FMO3: variants seen among roughly 807,000 people sequenced by gnomAD.
FMO3 encodes flavin-containing monooxygenase 3.
FMO3 carries 40 observed loss-of-function variants against 39.4 expected under a neutral mutation model. The ratio of observed to expected loss-of-function variants is 1.02; its 90% CI spans 0.79 to 1.32. The LOEUF is 1.32. Among genes scored for constraint, FMO3 ranks in the 40% most tolerant of loss-of-function variants. FMO3 has a pLI of 0.00. For missense variants in FMO3, 680 were observed against 651.8 expected (o/e 1.04, Z -0.47); for synonymous variants, 219 against 228.8 (o/e 0.96, Z 0.39).
At chr1:171,102,372 C>G (rs543597879) in intron 2 of FMO3, among the ~76,000 whole-genome samples, 1 of 152,266 alleles carries the variant, frequency 6.6e-6, no homozygotes, top group South Asian at 2.1e-4. Flanking sequence ...ATATAAGTAC[C>G]TTGATGCTTC....
intron 4 of FMO3, 40 bp downstream of exon 4, chr1:171,107,877 A>G: frequency 6.3e-7 from 1 of 1,582,476 alleles, no homozygotes; most frequent in African/African-American, 1.3e-5. Context: ...ATAACTGACA[A>G]AAATGAATAT....
At chr1:171,100,260 G>A (rs927960522) in intron 2 of FMO3, 3 of 152,160 alleles carry the variant, frequency 2.0e-5, no homozygotes, top group Admixed American at 6.5e-5. Flanking sequence ...GAACCTGGCA[G>A]CATAGGTTGA....
chr1:171,109,428 C>A (rs1736556), intron 5 of FMO3, among the ~76,000 whole-genome samples: 3 of 151,336 alleles, frequency 2.0e-5, no homozygotes, highest in Admixed American at 6.6e-5. Context: ...ATAGTTTTCA[C>A]AGATTTCTAT....
At position 171,112,375 on chromosome 1, in the gene FMO3, G is replaced by C. The variant is rs28363574; in HGVS notation, c.827+1378G>C. 1.7e-3 allele frequency among the ~76,000 whole-genome samples: 253 copies of C among 152,274 alleles called. 3 individuals are homozygous for C. Among genetic ancestry groups the C allele is most frequent in the African/African-American group, 5.6e-3 (232 of 41,558 alleles). ...ATGTAAGGGTAGGGCAAGGAAGGAA[G>C]TGAAAGGACCAGTTAAAAAGCTACT... On this transcript the variant is annotated intron_variant, in intron 6 of 8. Transcript: ENST00000367755.
At chr1:171,098,047 C>A (rs1389134329) in intron 2 of FMO3, among the ~76,000 whole-genome samples, 4 of 152,054 alleles carry the variant, frequency 2.6e-5, no homozygotes, top group Non-Finnish European at 2.9e-5. Context: ...TTAAATAGGG[C>A]ATCCTTTCCC....
intron 2 of FMO3, 97 bp downstream of exon 2, chr1:171,092,887 A>T: frequency 7.8e-7 from 1 of 1,277,724 alleles, no homozygotes; most frequent in Non-Finnish European, 1.1e-6. Flanking sequence ...CTACCATGGC[A>T]GTTATCATAT....
chr1:171,099,872 C>T (rs1370680117), intron 2 of FMO3: 2 of 151,436 alleles, frequency 1.3e-5, no homozygotes, highest in African/African-American at 4.9e-5. Flanking sequence ...ACAACCTCCA[C>T]CTCCTGGGAT....
At position 171,107,700 on chromosome 1, in the gene FMO3, A is replaced by G. The variant is rs1655706030; in HGVS notation, c.347A>G (p.His116Arg). 6.2e-7 allele frequency: 1 copy of G among 1,613,120 alleles called. No homozygotes were observed. Among genetic ancestry groups the G allele is most frequent in the African/African-American group, 1.3e-5 (1 of 74,900 alleles). ...ACATTTGTATCCAGTGTAAATAAAC[A>G]TCCTGATTTTGCAACTACTGGCCAG... Reference protein sequence around the residue: ...FKTFVSSVNKHPDFATTGQWD... With the variant: ...FKTFVSSVNKRPDFATTGQWD... Residue 116 changes from histidine to arginine, a missense_variant, in exon 4 of 9, where the codon CAT becomes CGT. By Grantham distance (29) the His-to-Arg change is conservative. Transcript: ENST00000367755.
At position 171,096,024 on chromosome 1, in the gene FMO3, T is replaced by A. The variant is rs866586682; in HGVS notation, c.132+3234T>A. 5.4e-3 allele frequency among the ~76,000 whole-genome samples: 252 copies of A among 46,302 alleles called. 8 individuals are homozygous for A. Among genetic ancestry groups the A allele is most frequent in the African/African-American group, 0.018 (143 of 7,806 alleles). The allele number at this position is 46,302 out of a possible 152,430, so 30.4% of individuals were successfully genotyped here. On this transcript the variant is annotated intron_variant, in intron 2 of 8. Transcript: ENST00000367755. ...ATATATTAATATACATATTATATATTAATATATAATATATATTATATATAA... is the reference window on the plus strand; with the variant it reads ...ATATATTAATATACATATTATATATAAATATATAATATATATTATATATAA...
chr1:171,101,746 A>T (rs1235603523), intron 2 of FMO3: 2 of 518,096 alleles, frequency 3.9e-6, no homozygotes, highest in Admixed American at 4.0e-5. Flanking sequence ...TTTCACCCAG[A>T]TCTGCGGCCT....
intron 2 of FMO3, among the ~76,000 whole-genome samples, chr1:171,096,352 T>C (rs1655051308): frequency 1.1e-5 from 1 of 90,104 alleles, no homozygotes; most frequent in Non-Finnish European, 1.8e-5. Flanking sequence ...TATATATAAA[T>C]ATATAAAAAT....
rs1014931444 is a variant in FMO3 at position 171,117,528 on chromosome 1, C to T, written c.*86C>T. On this transcript the variant is annotated 3_prime_UTR_variant, in exon 9 of 9. Coordinates refer to ENST00000367755, the MANE Select transcript of FMO3 (RefSeq NM_001002294.3). ...TTTAAAAATTAAAATTTTCACACCACCTGCTTTTCTATTCAGCATCTTTTG... is the reference window on the plus strand; with the variant it reads ...TTTAAAAATTAAAATTTTCACACCATCTGCTTTTCTATTCAGCATCTTTTG... 21 of 981,450 alleles carry T rather than the reference C, an allele frequency of 2.1e-5. 1 individual carries two copies. Among genetic ancestry groups the T allele is most frequent in the Middle Eastern group, 3.2e-4 (1 of 3,134 alleles). The allele number at this position is 981,450 out of a possible 1,614,324, so 60.8% of individuals were successfully genotyped here.
rs750360308 is a variant in FMO3 at position 171,117,227 on chromosome 1, T to A, written c.1384T>A (p.Tyr462Asn). ...AGATCCCAAATTGGCCATGGAAGTT[T>A]ATTTTGGCCCTTGTAGTCCCTACCA... ...LTDPKLAMEVYFGPCSPYQFR... is the reference protein window; with the variant it reads ...LTDPKLAMEVNFGPCSPYQFR... The change falls in exon 9 of 9, where the codon TAT becomes AAT. Residue 462 changes from tyrosine (Y) to asparagine (N), a missense_variant. Coordinates refer to ENST00000367755, the MANE Select transcript of FMO3 (RefSeq NM_001002294.3). The A allele has an allele frequency of 6.2e-7, 1 of 1,614,172 alleles. No homozygotes were observed. Among genetic ancestry groups the A allele is most frequent in the Non-Finnish European group, 8.5e-7 (1 of 1,180,014 alleles).
intron 4 of FMO3, 24 bp from the exon 5 acceptor site, chr1:171,108,055 A>C: frequency 3.1e-6 from 5 of 1,613,104 alleles, no homozygotes; most frequent in Non-Finnish European, 4.2e-6. Context: ...TCAAACTGCC[A>C]TGTATTTCTC....
chr1:171,113,034 G>C (rs1655983463), intron 6 of FMO3, among the ~76,000 whole-genome samples: 1 of 152,160 alleles, frequency 6.6e-6, no homozygotes, highest in African/African-American at 2.4e-5. Flanking sequence ...GGGAAAGTGA[G>C]GGTGGACCAC....
chr1:171,096,270 A>G (rs1655038650), intron 2 of FMO3, among the ~76,000 whole-genome samples: 2 of 65,120 alleles, frequency 3.1e-5, no homozygotes, highest in South Asian at 5.3e-4. Flanking sequence ...TTATATATAT[A>G]AATATTATAT....
intron 7 of FMO3, 87 bp downstream of exon 7, chr1:171,114,449 AC>A (rs1656058164): frequency 2.0e-6 from 2 of 986,670 alleles, no homozygotes; most frequent in African/African-American, 3.2e-5. Context: ...AATCCTAGTT[AC>A]AAGGTCCCCT....
intron 1 of FMO3, among the ~76,000 whole-genome samples, chr1:171,091,605 C>T (rs535721457): frequency 2.0e-5 from 3 of 151,926 alleles, no homozygotes; most frequent in Admixed American, 6.6e-5. Flanking sequence ...CAACACCCCC[C>T]GGAGAGAAGG....
At chr1:171,093,480 AG>A (rs1327760069) in intron 2 of FMO3, among the ~76,000 whole-genome samples, 6,823 of 152,108 alleles carry the variant, frequency 0.045, 505 homozygotes, top group African/African-American at 0.16. Context: ...CTCGCTGGGT[AG>A]TATTCCATGG....
Sources: allele counts gnomAD v4.1 joint callset (sites outside exome capture counted in the v4.1 genomes callset), GRCh38; gene constraint gnomAD v4.1.1; transcripts MANE v1.5; gene names NCBI Gene and HGNC (gene_info 2026-07-23, HGNC 2026-07-21).